The following ZNF33A variants were observed in gnomAD, a reference collection of about 807,000 sequenced individuals.
ZNF33A encodes the protein brain my041 protein.
ZNF33A carries 9 observed loss-of-function variants against 15.9 expected under a neutral mutation model. The ratio of observed to expected loss-of-function variants is 0.57; its 90% confidence interval spans 0.34 to 0.99. The LOEUF (loss-of-function observed/expected upper bound fraction) is 0.99, where lower values mean the gene tolerates loss of function less well. ZNF33A is among the 50% of genes least tolerant of loss of function. The pLI, the probability that ZNF33A is intolerant of heterozygous loss-of-function variation, is 0.02. For synonymous variants in ZNF33A, 294 were observed against 324.2 expected (o/e 0.91, Z 1.00); for missense variants, 843 against 941.6 (o/e 0.90, Z 1.37).
rs1035103480 is a variant in ZNF33A, at chr10:38,057,697, T to C, written c.*1137T>C. The stretch of plus-strand genomic sequence containing the variant: ...GCTCGCCTCCATGTTACTCCCTTTC[T>C]CTTCCTACCTGTGGCTCATGCCATG... On this transcript the variant is annotated 3_prime_UTR_variant, in exon 5 of 5. Transcript: ENST00000432900. The C allele has an allele frequency of 1.5e-5, 15 of 985,362 alleles. No individual in the cohort carries two copies. In the South Asian group the frequency reaches 3.3e-4, roughly 22 times the overall value. 61.0% of individuals were successfully genotyped at this position (985,362 alleles called of 1,614,324 possible).
At chr10:38,020,320 C>A (rs1000996696) in intron 4 of ZNF33A, among the ~76,000 whole-genome samples, 3 of 151,980 alleles carry the variant, frequency 2.0e-5, no homozygotes, top group Non-Finnish European at 4.4e-5. Context: ...ATCACATTTA[C>A]CCTAATGTGA....
chr10:38,016,734 C>T (rs915683009), intron 2 of ZNF33A, 137 bp from the exon 3 acceptor site: 4 of 970,592 alleles, frequency 4.1e-6, no homozygotes, highest in Non-Finnish European at 6.0e-6. Context: ...TATCTTAATG[C>T]ATTAATGGCA....
intron 4 of ZNF33A, among the ~76,000 whole-genome samples, chr10:38,045,392 A>C (rs1220863540): frequency 1.3e-5 from 2 of 152,092 alleles, no homozygotes; most frequent in African/African-American, 4.8e-5. Flanking sequence ...TACTTTGCTG[A>C]TAGCCGCTAC....
intron 4 of ZNF33A, among the ~76,000 whole-genome samples, chr10:38,018,064 A>T (rs1226309122): frequency 6.6e-6 from 1 of 152,250 alleles, no homozygotes; most frequent in Non-Finnish European, 1.5e-5. Flanking sequence ...ACTGCACTCC[A>T]GCCTGAGCAA....
In ZNF33A at chr10:38,054,831, C is replaced by T. The variant is rs768841358; in HGVS notation, c.707C>T (p.Thr236Ile). 1 of 1,613,474 alleles carries T rather than the reference C, an allele frequency of 6.2e-7. No homozygotes were observed. The highest frequency in any genetic ancestry group is 1.1e-5 in the South Asian group (1 of 91,082). The change falls in exon 5 of 5, where the codon ACA becomes ATA. Residue 236 changes from threonine (T) to isoleucine (I), a missense_variant. Transcript: ENST00000432900. Reference protein sequence around the residue: ...ETLLEKAVFNTQKRENAEENN... With the variant: ...ETLLEKAVFNIQKRENAEENN... ...CTCCTTGAAAAGGCAGTATTCAATA[C>T]ACAGAAGAGAGAGAACGCAGAAGAG... is the stretch of plus-strand genomic sequence containing the variant.
At chr10:38,066,359 A>C (rs1330983909), downstream of ZNF33A, among the ~76,000 whole-genome samples, 1 of 151,740 alleles carries the variant, frequency 6.6e-6, no homozygotes, top group African/African-American at 2.4e-5. Context: ...GCTCACTGCA[A>C]CCTCTGCCCC....
downstream of ZNF33A, chr10:38,060,131 T>A: frequency 1.0e-6 from 1 of 953,682 alleles, no homozygotes; most frequent in Non-Finnish European, 1.2e-6. Flanking sequence ...ATGTAAATCA[T>A]CATTAGTGAA....
At chr10:38,060,513 G>C (rs527465879), downstream of ZNF33A, among the ~76,000 whole-genome samples, 2 of 152,160 alleles carry the variant, frequency 1.3e-5, no homozygotes, top group African/African-American at 4.8e-5. Flanking sequence ...AACCCTGTGT[G>C]GCTCTTCCCA....
Position 38,054,948 on chromosome 10 carries a change from A to C in ZNF33A, c.824A>C (p.Tyr275Ser). The change falls in exon 5 of 5, where the codon TAT (tyrosine) becomes TCT (serine). Residue 275 changes from tyrosine to serine, a missense_variant. Tyr to Ser is a moderately radical substitution (Grantham distance 144). Transcript: ENST00000432900. ...HQISPSRDNH[Y>S]EFSDCEKFLC... The stretch of plus-strand genomic sequence containing the variant: ...ATATCTCCGTCAAGGGACAATCACT[A>C]TGAATTTAGTGATTGTGAGAAGTTC... The C allele has an allele frequency of 8.1e-6, 13 of 1,614,062 alleles. No homozygotes were observed. Among genetic ancestry groups the C allele is most frequent in the Non-Finnish European group, 1.1e-5 (13 of 1,179,964 alleles).
rs1458338397 is a variant in ZNF33A, at chr10:38,056,521, C to T, written c.2397C>T (p.His799=). The change falls in exon 5 of 5, where the codon CAC becomes CAT. Residue 799 remains histidine, a synonymous_variant. Transcript: ENST00000432900. The stretch of plus-strand genomic sequence containing the variant: ...TCCATAATGCCTCAGAGTATTCACA[C>T]TGTGGAGAAAGCCCTGATGACATCC... ...VSLHNASEYS[H]CGESPDDILN... 3.8e-6 allele frequency: 6 copies of T among 1,597,258 alleles called. No homozygotes were observed. The highest frequency in any genetic ancestry group is 5.1e-6 in the Non-Finnish European group (6 of 1,172,484).
intron 4 of ZNF33A, among the ~76,000 whole-genome samples, chr10:38,046,336 A>G (rs553657025): frequency 2.0e-5 from 3 of 152,214 alleles, no homozygotes; most frequent in African/African-American, 7.2e-5. Context: ...ATACTCACAT[A>G]GGGCCTGGAA....
downstream of ZNF33A, among the ~76,000 whole-genome samples, chr10:38,063,308 C>T (rs557336997): frequency 4.9e-4 from 74 of 152,072 alleles, no homozygotes; most frequent in African/African-American, 1.6e-3. Flanking sequence ...TTTAAGGCAC[C>T]GGTGGAAGCA....
chr10:38,064,124 G>A (rs761710480), downstream of ZNF33A: 1 of 1,595,694 alleles, frequency 6.3e-7, no homozygotes, highest in Admixed American at 1.7e-5. Flanking sequence ...TTAAACCCCT[G>A]CAGTGCTGGA....
At chr10:38,012,913 T>C (rs968546300) in intron 2 of ZNF33A, among the ~76,000 whole-genome samples, 1 of 152,160 alleles carries the variant, frequency 6.6e-6, no homozygotes, top group Admixed American at 6.5e-5. Context: ...GACTGACTCC[T>C]CTGAAGGCAC....
intron 4 of ZNF33A, among the ~76,000 whole-genome samples, chr10:38,035,227 C>T (rs997163068): frequency 7.0e-6 from 1 of 142,594 alleles, no homozygotes. Flanking sequence ...AAGTATTTCT[C>T]CTGCTTCAGC....
chr10:38,038,211 C>T (rs549423188), intron 4 of ZNF33A, among the ~76,000 whole-genome samples: 8 of 152,068 alleles, frequency 5.3e-5, no homozygotes, highest in African/African-American at 7.2e-5. Context: ...CGGCTCACTG[C>T]GTCTCAGCCT....
At chr10:38,028,945 T>C (rs1192203539) in intron 4 of ZNF33A, among the ~76,000 whole-genome samples, 3 of 152,238 alleles carry the variant, frequency 2.0e-5, no homozygotes, top group Non-Finnish European at 2.9e-5. Flanking sequence ...ATGAAGACCT[T>C]GCTTCTACCT....
At chr10:38,026,636 T>TA (rs1424664952) in intron 4 of ZNF33A, among the ~76,000 whole-genome samples, 1 of 152,226 alleles carries the variant, frequency 6.6e-6, no homozygotes, top group African/African-American at 2.4e-5. Flanking sequence ...AGCCTTAACT[T>TA]ACTTTTTCTT....
downstream of ZNF33A, chr10:38,064,021 C>T: frequency 6.8e-7 from 1 of 1,469,348 alleles, no homozygotes; most frequent in Non-Finnish European, 9.3e-7. Context: ...GCTTTCAGGC[C>T]ATCTTCACAT....
Sources: gnomAD v4.1 joint callset for allele counts (sites outside exome capture counted in the v4.1 genomes callset) on GRCh38, gnomAD v4.1.1 for gene constraint, MANE v1.5 for transcripts, NCBI Gene and HGNC (gene_info 2026-07-23, HGNC 2026-07-21) for gene names.